Variants in AOPEP observed in about 807,000 individuals in gnomAD.
AOPEP encodes aminopeptidase O.
Under a neutral mutation model 98.1 loss-of-function variants are expected in AOPEP, and 77 were observed. That is an observed-to-expected ratio of 0.78 (90% CI 0.65 to 0.95). The LOEUF is 0.95. AOPEP is among the 40% of genes least tolerant of loss of function. AOPEP has a pLI of 0.00. For synonymous variants in AOPEP, 346 were observed against 365.3 expected, an observed-to-expected ratio of 0.95 and a Z score of 0.60; for missense variants, 1,024 against 1,024.7, an observed-to-expected ratio of 1.00 and a Z score of 0.01.
chr9:94,916,713 A>T (rs1442133362), intron 5 of AOPEP, among the ~76,000 whole-genome samples: 1 of 149,342 alleles, frequency 6.7e-6, no homozygotes, highest in African/African-American at 2.5e-5. Flanking sequence ...AAAAAAATTA[A>T]ATAAATAAAT....
chr9:95,118,015 G>A, the AOPEP span, among the ~76,000 whole-genome samples: 2 of 150,972 alleles, frequency 1.3e-5, no homozygotes, highest in African/African-American at 4.9e-5. Flanking sequence ...CACCATGCCC[G>A]GCTTGTTTTT....
chr9:94,807,307 C>T (rs1403185854), intron 5 of AOPEP, among the ~76,000 whole-genome samples: 1 of 152,178 alleles, frequency 6.6e-6, no homozygotes, highest in Non-Finnish European at 1.5e-5. Context: ...CATGATTCTT[C>T]ACCCTCTGAA....
chr9:94,739,509 G>A (rs558761713), intron 1 of AOPEP, among the ~76,000 whole-genome samples: 4 of 152,238 alleles, frequency 2.6e-5, no homozygotes, highest in Admixed American at 6.5e-5. Context: ...GCCAGGCGTG[G>A]TGGCAGGCGC....
chr9:95,037,754 C>T (rs1472934845), intron 13 of AOPEP, among the ~76,000 whole-genome samples: 1 of 152,130 alleles, frequency 6.6e-6, no homozygotes, highest in African/African-American at 2.4e-5. Flanking sequence ...GGGGAAGGGC[C>T]ATGCTTACTC....
chr9:95,122,450 CAG>C, the AOPEP span, among the ~76,000 whole-genome samples: 1 of 152,132 alleles, frequency 6.6e-6, no homozygotes, highest in South Asian at 2.1e-4. Flanking sequence ...AATAAACTAA[CAG>C]ATACCTATGC....
intron 3 of AOPEP, among the ~76,000 whole-genome samples, chr9:94,782,127 T>C (rs1588180657): frequency 6.6e-6 from 1 of 151,294 alleles, no homozygotes; most frequent in South Asian, 2.1e-4. Flanking sequence ...GAGGCGGAGG[T>C]TGCAGTGAGC....
At chr9:94,960,133 C>T (rs112783434) in intron 9 of AOPEP, among the ~76,000 whole-genome samples, 18 of 151,964 alleles carry the variant, frequency 1.2e-4, no homozygotes, top group African/African-American at 2.2e-4. Flanking sequence ...AGGAATTGGC[C>T]GGGCACGGTG....
chr9:94,733,064 T>C (rs948586891), intron 1 of AOPEP, among the ~76,000 whole-genome samples: 6 of 151,992 alleles, frequency 3.9e-5, no homozygotes, highest in Admixed American at 6.6e-5. Flanking sequence ...TCTGGAAATA[T>C]CATGGTTACT....
chr9:94,736,411 G>A (rs1831787134), intron 1 of AOPEP, among the ~76,000 whole-genome samples: 1 of 152,110 alleles, frequency 6.6e-6, no homozygotes. Flanking sequence ...TAGCATTTCT[G>A]GGGAGGAGGA....
At chr9:94,761,434 G>A (rs145777024) in intron 2 of AOPEP, among the ~76,000 whole-genome samples, 184 of 152,226 alleles carry the variant, frequency 1.2e-3, no homozygotes, top group African/African-American at 4.3e-3. Flanking sequence ...CTAAAGTACT[G>A]CAAATCAATA....
chr9:94,925,854 T>G (rs539100276), intron 6 of AOPEP, among the ~76,000 whole-genome samples: 98 of 152,226 alleles, frequency 6.4e-4, no homozygotes, highest in Non-Finnish European at 1.3e-3. Context: ...TTTCCTCATT[T>G]GTAGAATGGA....
At chr9:94,948,965 T>G (rs1351975153) in intron 7 of AOPEP, among the ~76,000 whole-genome samples, 1 of 152,118 alleles carries the variant, frequency 6.6e-6, no homozygotes, top group Non-Finnish European at 1.5e-5. Flanking sequence ...GTAGCGTGGG[T>G]TTTTCCTTTC....
chr9:94,937,341 A>G (rs1325996942), intron 7 of AOPEP, among the ~76,000 whole-genome samples: 1 of 152,262 alleles, frequency 6.6e-6, no homozygotes, highest in Non-Finnish European at 1.5e-5. Context: ...TGTGTCCTCA[A>G]GCGGCCTTTT....
chr9:94,999,321 A>G (rs1468959602), intron 11 of AOPEP, among the ~76,000 whole-genome samples: 5 of 152,244 alleles, frequency 3.3e-5, no homozygotes, highest in Admixed American at 3.3e-4. Context: ...GAATTAAATT[A>G]GCACATAATA....
At chr9:95,029,879 A>G (rs942340245) in intron 13 of AOPEP, among the ~76,000 whole-genome samples, 20 of 151,976 alleles carry the variant, frequency 1.3e-4, no homozygotes, top group Admixed American at 7.9e-4. Flanking sequence ...TGTGCCCAGC[A>G]CTCCTAAGTA....
the AOPEP span, chr9:95,127,082 C>T: frequency 1.2e-5 from 2 of 162,882 alleles, no homozygotes; most frequent in African/African-American, 4.8e-5. Context: ...GACTAAATCA[C>T]ATCACATCTT....
At chr9:95,014,328 G>T (rs1188087089) in intron 13 of AOPEP, among the ~76,000 whole-genome samples, 3 of 152,048 alleles carry the variant, frequency 2.0e-5, no homozygotes, top group Admixed American at 2.0e-4. Context: ...ACAAAAATTA[G>T]CTGGACGTGG....
chr9:94,753,830 G>T (rs1448859476), intron 1 of AOPEP, among the ~76,000 whole-genome samples: 1 of 152,136 alleles, frequency 6.6e-6, no homozygotes, highest in African/African-American at 2.4e-5. Flanking sequence ...CAGGCAAAAC[G>T]GAATTTCTAG....
At chr9:94,757,620 AGAGT>A (rs1286485516) in intron 1 of AOPEP, among the ~76,000 whole-genome samples, 1 of 148,674 alleles carries the variant, frequency 6.7e-6, no homozygotes, top group Non-Finnish European at 1.5e-5. Context: ...GGAATCTGTT[AGAGT>A]TAGACAATAA....
Sources: gnomAD v4.1 joint callset for allele counts (sites outside exome capture counted in the v4.1 genomes callset) on GRCh38, gnomAD v4.1.1 for gene constraint, MANE v1.5 for transcripts, NCBI Gene and HGNC (gene_info 2026-07-23, HGNC 2026-07-21) for gene names.